The following HS3ST4 variants were observed in gnomAD, a reference collection of about 807,000 sequenced individuals.
HS3ST4 encodes the protein heparan sulfate glucosamine 3-O-sulfotransferase 4.
HS3ST4 carries 17 observed loss-of-function variants against 29.2 expected under a neutral mutation model. The observed-to-expected ratio is 0.58, with a 90% CI of 0.40 to 0.87. The LOEUF is 0.87. Ranked by LOEUF, HS3ST4 falls within the 40% of genes least tolerant of loss-of-function variation. The pLI is 0.00. For synonymous variants in HS3ST4, 314 were observed against 285.7 expected, an observed-to-expected ratio of 1.10 and a Z score of -1.00; for missense variants, 627 against 634.5, an observed-to-expected ratio of 0.99 and a Z score of 0.13.
chr16:26,017,302 C>G (rs776892662), intron 1 of HS3ST4, among the ~76,000 whole-genome samples: 19 of 152,288 alleles, frequency 1.2e-4, no homozygotes, highest in Middle Eastern at 3.4e-3. Context: ...TTAGCAAATG[C>G]TTGGTAAAAC....
chr16:25,902,671 G>A (rs1968130581), intron 1 of HS3ST4, among the ~76,000 whole-genome samples: 1 of 151,990 alleles, frequency 6.6e-6, no homozygotes, highest in Non-Finnish European at 1.5e-5. Context: ...CAGAAGGGAG[G>A]TGACCCAGGC....
At chr16:25,762,422 CA>C (rs765926755) in intron 1 of HS3ST4, among the ~76,000 whole-genome samples, 40 of 152,252 alleles carry the variant, frequency 2.6e-4, no homozygotes, top group Non-Finnish European at 4.6e-4. Context: ...AGCAAAGAAC[CA>C]GAACATCTTG....
intron 1 of HS3ST4, among the ~76,000 whole-genome samples, chr16:26,109,373 T>A (rs574584214): frequency 6.6e-6 from 1 of 152,298 alleles, no homozygotes; most frequent in African/African-American, 2.4e-5. Context: ...TTACAGGCAG[T>A]TGAGGTTTGT....
intron 1 of HS3ST4, among the ~76,000 whole-genome samples, chr16:25,855,986 G>T (rs1377198180): frequency 6.6e-6 from 1 of 152,008 alleles, no homozygotes; most frequent in African/African-American, 2.4e-5. Context: ...ATTCCCTGGA[G>T]AGTAGCCCTT....
intron 1 of HS3ST4, among the ~76,000 whole-genome samples, chr16:26,091,996 G>A (rs2141790110): frequency 6.6e-6 from 1 of 152,238 alleles, no homozygotes; most frequent in East Asian, 1.9e-4. Context: ...TGACAGCAAG[G>A]CAGGTGGTGG....
intron 1 of HS3ST4, among the ~76,000 whole-genome samples, chr16:25,906,188 C>G (rs1968177855): frequency 6.6e-6 from 1 of 152,144 alleles, no homozygotes; most frequent in South Asian, 2.1e-4. Flanking sequence ...TGTCCTTGAT[C>G]CTAACTGAAG....
At chr16:25,991,479 T>G (rs929755400) in intron 1 of HS3ST4, among the ~76,000 whole-genome samples, 51 of 152,220 alleles carry the variant, frequency 3.4e-4, no homozygotes, top group African/African-American at 1.2e-3. Context: ...TGAGTTGTCA[T>G]AGTCTCTTGA....
At chr16:25,790,071 G>A (rs1434082744) in intron 1 of HS3ST4, among the ~76,000 whole-genome samples, 1 of 152,154 alleles carries the variant, frequency 6.6e-6, no homozygotes, top group East Asian at 1.9e-4. Context: ...TTCCTGTTGA[G>A]TATATTCACA....
intron 1 of HS3ST4, among the ~76,000 whole-genome samples, chr16:26,028,071 G>A (rs1305256591): frequency 5.9e-5 from 9 of 152,030 alleles, no homozygotes; most frequent in Non-Finnish European, 1.3e-4. Flanking sequence ...TCAGGAGTTC[G>A]AGACCAGCCT....
At chr16:25,709,513 C>T (rs1966401618) in intron 1 of HS3ST4, among the ~76,000 whole-genome samples, 1 of 152,102 alleles carries the variant, frequency 6.6e-6, no homozygotes, top group African/African-American at 2.4e-5. Context: ...CAATCTTTCC[C>T]CGAAGTACAA....
At chr16:25,836,356 T>A (rs8062848) in intron 1 of HS3ST4, among the ~76,000 whole-genome samples, 5 of 152,132 alleles carry the variant, frequency 3.3e-5, no homozygotes, top group Non-Finnish European at 5.9e-5. Flanking sequence ...CAGGCAGTCC[T>A]GTTAACCAAG....
chr16:26,037,970 C>A lies in HS3ST4; in HGVS notation c.735-97642C>A, dbSNP rs113255173. 3.5e-3 allele frequency among the ~76,000 whole-genome samples: 528 copies of A among 152,278 alleles called. 2 individuals carry two copies. The highest frequency in any genetic ancestry group is 0.012 in the African/African-American group (509 of 41,560). On this transcript the variant is annotated intron_variant, in intron 1 of 1. Transcript: ENST00000331351. ...AGCATATAACAGATCAGGCCACTTG[C>A]CGGGTCAAAAGCCTCCAATGACTCC...
intron 1 of HS3ST4, among the ~76,000 whole-genome samples, chr16:25,817,912 T>A (rs1158056278): frequency 6.6e-6 from 1 of 152,206 alleles, no homozygotes; most frequent in East Asian, 1.9e-4. Flanking sequence ...GTAATACCTT[T>A]CCCCCACCAG....
chr16:26,010,803 T>G (rs1010809811), intron 1 of HS3ST4, among the ~76,000 whole-genome samples: 2 of 152,144 alleles, frequency 1.3e-5, no homozygotes, highest in Non-Finnish European at 2.9e-5. Flanking sequence ...TAAGGGAAAA[T>G]TATTGCGATA....
chr16:26,101,845 A>G (rs1171268432), intron 1 of HS3ST4, among the ~76,000 whole-genome samples: 1 of 152,156 alleles, frequency 6.6e-6, no homozygotes, highest in African/African-American at 2.4e-5. Context: ...AACCAAGTTT[A>G]TATTCCTTTG....
chr16:26,080,223 A>C (rs1284389957), intron 1 of HS3ST4, among the ~76,000 whole-genome samples: 1 of 151,988 alleles, frequency 6.6e-6, no homozygotes, highest in Non-Finnish European at 1.5e-5. Context: ...TCACCAACCA[A>C]CACTTTTAGG....
intron 1 of HS3ST4, among the ~76,000 whole-genome samples, chr16:26,106,915 A>C (rs191183363): frequency 6.6e-6 from 1 of 152,026 alleles, no homozygotes; most frequent in Non-Finnish European, 1.5e-5. Context: ...AACAGCAACA[A>C]CTGATATTTC....
intron 1 of HS3ST4, among the ~76,000 whole-genome samples, chr16:26,033,531 G>C (rs1262654005): frequency 2.1e-5 from 3 of 146,080 alleles, no homozygotes; most frequent in Non-Finnish European, 3.0e-5. Flanking sequence ...AAAAAAAAAA[G>C]GAAAACAAAA....
chr16:25,724,168 A>G (rs1208883066), intron 1 of HS3ST4, among the ~76,000 whole-genome samples: 1 of 152,080 alleles, frequency 6.6e-6, no homozygotes, highest in Non-Finnish European at 1.5e-5. Context: ...CCCCCAAAAA[A>G]TATAAACATT....
Sources: gnomAD v4.1 joint callset for allele counts (sites outside exome capture counted in the v4.1 genomes callset) on GRCh38, gnomAD v4.1.1 for gene constraint, MANE v1.5 for transcripts, NCBI Gene and HGNC (gene_info 2026-07-23, HGNC 2026-07-21) for gene names.